ALG1L2: variants seen among roughly 807,000 people sequenced by gnomAD.
The protein encoded by ALG1L2 is ALG1 chitobiosyldiphosphodolichol beta-mannosyltransferase like 2.
Under a neutral mutation model 29.0 loss-of-function variants are expected in ALG1L2, and 32 were observed. That is an observed-to-expected ratio of 1.10 (90% confidence interval 0.83 to 1.48). ALG1L2 has a LOEUF of 1.48. ALG1L2 is among the 40% of genes most tolerant of loss of function. ALG1L2 has a pLI of 0.00. For synonymous variants in ALG1L2, 110 were observed against 109.5 expected, an observed-to-expected ratio of 1.00 and a Z score of -0.03; for missense variants, 318 against 274.1, an observed-to-expected ratio of 1.16 and a Z score of -1.13.
chr3:130,094,398 T>G lies in ALG1L2; in HGVS notation c.314-5T>G, dbSNP rs1373295888. ...TCATGGCAGTGTCTGCTCTTCTCTG[T>G]GAAGGCAAAGGGCCTCTGAGGGAGT... On this transcript the variant is annotated splice_region_variant and splice_polypyrimidine_tract_variant and intron_variant, in intron 4 of 7. Transcript: ENST00000425059. 6.3e-7 allele frequency: 1 copy of G among 1,594,156 alleles called. No individual in the cohort carries two copies. Among genetic ancestry groups the G allele is most frequent in the Admixed American group, 1.7e-5 (1 of 60,008 alleles).
At position 130,087,591 on chromosome 3, in the gene ALG1L2, A is replaced by ACAG. The variant is rs781369333; in HGVS notation, c.21-3669_21-3667dup. Among the ~76,000 whole-genome samples, 50 of 141,704 alleles carry ACAG rather than the reference A, an allele frequency of 3.5e-4. 1 individual carries two copies. Among genetic ancestry groups the ACAG allele is most frequent in the Non-Finnish European group, 6.6e-4 (41 of 62,558 alleles). The allele number at this position is 141,704 out of a possible 152,430, so 93.0% of individuals were successfully genotyped here. ...GAAAGTCCTTGTTATTAAGGAATACACAGGAATATTTAGGGGTAAAGGATA... is the reference window on the plus strand; with the variant it reads ...GAAAGTCCTTGTTATTAAGGAATACACAGCAGGAATATTTAGGGGTAAAGGATA... On this transcript the variant is annotated intron_variant, in intron 1 of 7. Transcript: ENST00000425059.
chr3:130,093,630 G>A (rs907060986), intron 4 of ALG1L2, among the ~76,000 whole-genome samples: 1 of 152,022 alleles, frequency 6.6e-6, no homozygotes, highest in African/African-American at 2.4e-5. Context: ...CACCATGTTG[G>A]CCAGGCTGGT....
rs1275277887 is a variant in ALG1L2 at position 130,084,733 on chromosome 3, G to A, written c.20+2697G>A. On this transcript the variant is annotated intron_variant, in intron 1 of 7. Transcript: ENST00000425059. ...GGGCTGAGATGAAGGGATTGTCAGG[G>A]CCAGGCTCCCTCTGAGGATGCTAGG... Among the ~76,000 whole-genome samples the A allele has an allele frequency of 1.6e-5, 2 of 126,894 alleles. 1 individual carries two copies. Among genetic ancestry groups the A allele is most frequent in the African/African-American group, 5.3e-5 (2 of 37,838 alleles). The allele number at this position is 126,894 out of a possible 152,430, so 83.2% of individuals were successfully genotyped here.
At position 130,096,006 on chromosome 3, in the gene ALG1L2, G is replaced by C. The variant is rs763441976; in HGVS notation, c.425-43G>C. Reference sequence around the variant, plus strand: ...TGTGCTGGGAGGATTTGTGTTCCCGGGGCAGAGACCAGCGCTCTGGCCACA... The same window carrying C: ...TGTGCTGGGAGGATTTGTGTTCCCGCGGCAGAGACCAGCGCTCTGGCCACA... On this transcript the variant is annotated intron_variant, in intron 5 of 7. Transcript: ENST00000425059. The C allele has an allele frequency of 4.3e-4, 615 of 1,440,546 alleles. 9 individuals carry two copies. In the South Asian group the frequency reaches 5.9e-3, roughly 14 times the overall value. 89.2% of individuals were successfully genotyped at this position (1,440,546 alleles called of 1,614,324 possible). A position where few individuals can be genotyped will look rare whatever the true frequency, so the allele number is the denominator to read the frequency against.
intron 1 of ALG1L2, chr3:130,091,007 T>A: frequency 8.3e-6 from 4 of 482,930 alleles, no homozygotes; most frequent in Non-Finnish European, 1.5e-5. Flanking sequence ...AGTCTGGTTT[T>A]ATCTTAGACC....
At chr3:130,098,177 C>A (rs769623550) in intron 7 of ALG1L2, 46 bp from the exon 8 acceptor site, 2 of 1,595,468 alleles carry the variant, frequency 1.3e-6, no homozygotes, top group Non-Finnish European at 1.7e-6. Flanking sequence ...AGGTGGTGAC[C>A]TGGGATGGGG....
At chr3:130,098,190 G>C (rs991694771) in intron 7 of ALG1L2, 33 bp from the exon 8 acceptor site, 6 of 1,596,112 alleles carry the variant, frequency 3.8e-6, no homozygotes, top group Non-Finnish European at 5.1e-6. Flanking sequence ...GGATGGGGTG[G>C]GGACAGGCAA....
chr3:130,094,115 C>T, intron 4 of ALG1L2: 1 of 460,858 alleles, frequency 2.2e-6, no homozygotes, highest in South Asian at 2.1e-5. Flanking sequence ...TGGGCCCACC[C>T]AGTGGGTGGT....
intron 2 of ALG1L2, 37 bp from the exon 3 acceptor site, chr3:130,092,064 C>T (rs1935028148): frequency 6.2e-7 from 1 of 1,609,604 alleles, no homozygotes; most frequent in Admixed American, 1.7e-5. Flanking sequence ...TGGGCCTGCT[C>T]TGTGGCCTCT....
chr3:130,082,701 C>T (rs1251177043), intron 1 of ALG1L2, among the ~76,000 whole-genome samples: 3 of 148,818 alleles, frequency 2.0e-5, no homozygotes, highest in Non-Finnish European at 4.5e-5. Flanking sequence ...GCAGACGAGA[C>T]ACCAACAATA....
At chr3:130,086,292 G>A (rs535589356) in intron 1 of ALG1L2, among the ~76,000 whole-genome samples, 4 of 150,594 alleles carry the variant, frequency 2.7e-5, no homozygotes, top group East Asian at 3.9e-4. Flanking sequence ...GATAAACAAC[G>A]GGAGTTACCA....
At chr3:130,092,326 T>C (rs1935036144) in intron 3 of ALG1L2, 104 bp downstream of exon 3, 1 of 1,594,176 alleles carries the variant, frequency 6.3e-7, no homozygotes, top group Admixed American at 1.7e-5. Flanking sequence ...CCCACCACGG[T>C]CTCAGTGAGA....
In ALG1L2 at chr3:130,094,501, C is replaced by A. The variant is rs1176223780; in HGVS notation, c.412C>A (p.Pro138Thr). 1.9e-6 allele frequency: 3 copies of A among 1,595,412 alleles called. No homozygotes were observed. Among genetic ancestry groups the A allele is most frequent in the South Asian group, 1.1e-5 (1 of 90,946 alleles). The part of the protein sequence containing the change: ...CIPWLEGRGL[P>T]PLLGSVDLDV... ...CCCCTGGCTGGAGGGCCGAGGACTA[C>A]CCCCGCTTCTAGGTGAGAGGCCAGC... The change falls in exon 5 of 8, where the codon CCC (proline) becomes ACC (threonine). Residue 138 changes from proline to threonine, a missense_variant. Physicochemically the swap from Pro to Thr is conservative, Grantham distance 38 (BLOSUM62 -1). Transcript: ENST00000425059.
intron 4 of ALG1L2, chr3:130,094,013 G>T: frequency 3.5e-6 from 1 of 282,896 alleles, no homozygotes; most frequent in Non-Finnish European, 6.9e-6. Context: ...TGGCAGGGCA[G>T]GGGCGGCTTG....
At chr3:130,098,174 G>T (rs757105348) in intron 7 of ALG1L2, 49 bp from the exon 8 acceptor site, 190 of 1,595,224 alleles carry the variant, frequency 1.2e-4, no homozygotes, top group Non-Finnish European at 1.6e-4. Flanking sequence ...TCCAGGTGGT[G>T]ACCTGGGATG....
At chr3:130,084,948 T>TTTTATTTATTTACTTA (rs1559784425) in intron 1 of ALG1L2, among the ~76,000 whole-genome samples, 2 of 61,228 alleles carry the variant, frequency 3.3e-5, no homozygotes, top group African/African-American at 1.2e-4. Context: ...ATATATATAA[T>TTTTATTTATTTACTTA]TTTATTTATT....
intron 1 of ALG1L2, among the ~76,000 whole-genome samples, chr3:130,084,674 A>G (rs72493150): frequency 0.024 from 2,026 of 85,226 alleles, 9 homozygotes; most frequent in Middle Eastern, 0.066. Context: ...GCTTAGAACT[A>G]CAGAAATGCA....
At chr3:130,091,944 G>A (rs1935023027) in intron 2 of ALG1L2, 157 bp from the exon 3 acceptor site, 4 of 1,219,734 alleles carry the variant, frequency 3.3e-6, no homozygotes, top group Non-Finnish European at 4.7e-6. Context: ...GAGAAAGCAA[G>A]CCCAGGCCTC....
chr3:130,094,435 C>T lies in ALG1L2; in HGVS notation c.346C>T (p.Leu116Phe), dbSNP rs1935086389. 1 of 1,596,200 alleles carries T rather than the reference C, an allele frequency of 6.3e-7. No homozygotes were observed. Among genetic ancestry groups the T allele is most frequent in the East Asian group, 2.2e-5 (1 of 44,870 alleles). ...GCCTCTGAGGGAGTATTACAGCCGCCTCATCCACCAGAAGCATTTCCAGCA... is the reference window on the plus strand; with the variant it reads ...GCCTCTGAGGGAGTATTACAGCCGCTTCATCCACCAGAAGCATTTCCAGCA... Reference protein sequence around the residue: ...KGPLREYYSRLIHQKHFQHIQ... With the variant: ...KGPLREYYSRFIHQKHFQHIQ... Residue 116 changes from leucine to phenylalanine, a missense_variant, in exon 5 of 8, where the codon CTC (leucine) becomes TTC (phenylalanine). Coordinates refer to ENST00000425059, the MANE Select transcript of ALG1L2 (RefSeq NM_001136152.1).
Sources: gnomAD v4.1 joint callset for allele counts (sites outside exome capture counted in the v4.1 genomes callset) on GRCh38, gnomAD v4.1.1 for gene constraint, MANE v1.5 for transcripts, NCBI Gene and HGNC (gene_info 2026-07-23, HGNC 2026-07-21) for gene names.